POC5: variants seen among roughly 807,000 people sequenced by gnomAD.
The protein encoded by POC5 is centrosomal protein POC5.
A neutral mutation model predicts 62.9 loss-of-function variants in POC5; 48 were observed. The observed-to-expected ratio is 0.76, with a 90% CI of 0.61 to 0.97. POC5 has a LOEUF of 0.97. Among genes scored for constraint, POC5 ranks in the 50% least tolerant of loss-of-function variants. The pLI, the probability that POC5 is intolerant of heterozygous loss-of-function variation, is 0.00. For synonymous variants in POC5, 236 were observed against 228.2 expected, an observed-to-expected ratio of 1.03 and a Z score of -0.31; for missense variants, 696 against 679.5, an observed-to-expected ratio of 1.02 and a Z score of -0.27.
At position 75,694,661 on chromosome 5, in the gene POC5, T is replaced by C. The variant is rs1336668712; in HGVS notation, c.684A>G (p.Lys228=). ...GAAATATAAAAAAGAAGACCTCATC[T>C]TTTCTCCCAATGGAGATTTCAAAGG... The part of the protein sequence containing the change: ...QKTFEISIGR[K]DEVISSLSHA... Residue 228 remains lysine, a synonymous_variant, in exon 6 of 12, where the codon AAA becomes AAG. Transcript: ENST00000428202. 6.5e-7 allele frequency: 1 copy of C among 1,528,194 alleles called. No homozygotes were observed. The allele number at this position is 1,528,194 out of a possible 1,614,324, so 94.7% of individuals were successfully genotyped here. A position where few individuals can be genotyped will look rare whatever the true frequency, so the allele number is the denominator to read the frequency against.
chr5:75,706,944 T>A (rs569135655), intron 3 of POC5, among the ~76,000 whole-genome samples: 1 of 152,268 alleles, frequency 6.6e-6, no homozygotes, highest in East Asian at 1.9e-4. Flanking sequence ...CTACAGAGAA[T>A]GAGAGACAAC....
rs1435334913 is a variant in POC5 at position 75,685,424 on chromosome 5, T to G, written c.1190A>C (p.His397Pro). Residue 397 changes from histidine (H) to proline (P), a missense_variant, in exon 10 of 12, where the codon CAT becomes CCT. By Grantham distance (77) the His-to-Pro change is moderately conservative. Transcript: ENST00000428202. ...AGCTGAAGGATCCAAATGAGCAGAATGTTCTTTTCCTTGAACACCAGGACC... is the reference window on the plus strand; with the variant it reads ...AGCTGAAGGATCCAAATGAGCAGAAGGTTCTTTTCCTTGAACACCAGGACC... ...EYGPGVQGKEHSAHLDPSAPP... is the reference protein window; with the variant it reads ...EYGPGVQGKEPSAHLDPSAPP... 5.6e-6 allele frequency: 9 copies of G among 1,613,800 alleles called. No individual in the cohort carries two copies.
In POC5 at chr5:75,705,637, A is replaced by T. The variant is rs1777084022; in HGVS notation, c.307+67T>A. The stretch of plus-strand genomic sequence containing the variant: ...ATGCTGAAATTATTCCTCTTACTAC[A>T]TAGATAATATTCATCAAACCACAAA... On this transcript the variant is annotated intron_variant, in intron 4 of 11. Transcript: ENST00000428202. The T allele has an allele frequency of 3.2e-6, 3 of 935,346 alleles. No homozygotes were observed. In the South Asian group the frequency reaches 5.6e-5, roughly 17 times the overall value. 57.9% of individuals were successfully genotyped at this position (935,346 alleles called of 1,614,324 possible). A position where few individuals can be genotyped will look rare whatever the true frequency, so the allele number is the denominator to read the frequency against.
intron 7 of POC5, among the ~76,000 whole-genome samples, 164 bp downstream of exon 7, chr5:75,692,232 T>C (rs1776367650): frequency 1.3e-5 from 2 of 152,178 alleles, no homozygotes; most frequent in African/African-American, 4.8e-5. Flanking sequence ...ATCTAAACTG[T>C]ATTTTTTCCA....
rs537446197 is a variant in POC5, at chr5:75,712,864, G to A, written c.74C>T (p.Ser25Leu). ...GAAATTTTTTCCTACCTGAAGATTC[G>A]AAGAGACAGAACTGCCTCGACTGGA... ...NDSSRGSSVS[S>L]NLQEEYEELL... is the part of the protein sequence containing the mutation. The change falls in exon 2 of 12, where the codon TCG becomes TTG. Residue 25 changes from serine to leucine, a missense_variant. Transcript: ENST00000428202. The A allele has an allele frequency of 4.3e-4, 689 of 1,608,026 alleles. 9 individuals carry two copies. In the South Asian group the frequency reaches 7.2e-3, roughly 17 times the overall value.
At chr5:75,701,486 C>T (rs1326258011) in intron 5 of POC5, among the ~76,000 whole-genome samples, 7 of 140,528 alleles carry the variant, frequency 5.0e-5, no homozygotes, top group East Asian at 2.1e-4. Flanking sequence ...AACCCAACAC[C>T]GCATATTCTC....
chr5:75,679,153 AT>A (rs1203331438), intron 10 of POC5, among the ~76,000 whole-genome samples: 1 of 152,066 alleles, frequency 6.6e-6, no homozygotes, highest in South Asian at 2.1e-4. Flanking sequence ...ATGCACATCC[AT>A]TTTTTTAAGT....
At chr5:75,683,921 C>G (rs1221637110) in intron 10 of POC5, among the ~76,000 whole-genome samples, 1 of 152,182 alleles carries the variant, frequency 6.6e-6, no homozygotes, top group Non-Finnish European at 1.5e-5. Flanking sequence ...CCAGCCTGGT[C>G]TCAAACTTCT....
rs752262584 is a variant in POC5, at chr5:75,677,958, GA to G, written c.1408-9del. The G allele has an allele frequency of 2.0e-4, 298 of 1,457,598 alleles. No individual in the cohort carries two copies. The highest frequency in any genetic ancestry group is 6.4e-4 in the East Asian group (25 of 39,232). The allele number at this position is 1,457,598 out of a possible 1,614,324, so 90.3% of individuals were successfully genotyped here. A position where few individuals can be genotyped will look rare whatever the true frequency, so the allele number is the denominator to read the frequency against. On this transcript the variant is annotated splice_polypyrimidine_tract_variant and intron_variant, in intron 10 of 11. Coordinates refer to ENST00000428202, the MANE Select transcript of POC5 (RefSeq NM_001099271.2). Reference sequence around the variant, plus strand: ...TACAACTCTTGGCACATACTAAGAAGAAAAAAAAATAAAAGAAGTAACAAGG... The same window carrying G: ...TACAACTCTTGGCACATACTAAGAAGAAAAAAAATAAAAGAAGTAACAAGG...
At chr5:75,702,366 A>G (rs565873279) in intron 5 of POC5, among the ~76,000 whole-genome samples, 1 of 152,146 alleles carries the variant, frequency 6.6e-6, no homozygotes, top group Non-Finnish European at 1.5e-5. Context: ...AGAAAAAAAG[A>G]AGCACGATCT....
At chr5:75,680,119 A>G (rs561317264) in intron 10 of POC5, among the ~76,000 whole-genome samples, 5 of 152,170 alleles carry the variant, frequency 3.3e-5, no homozygotes, top group Non-Finnish European at 7.4e-5. Flanking sequence ...ACAATAAGGG[A>G]CAAAAAAGAT....
intron 5 of POC5, chr5:75,696,185 G>GA (rs1776575205): frequency 1.9e-5 from 3 of 156,726 alleles, no homozygotes; most frequent in Non-Finnish European, 4.2e-5. Flanking sequence ...AAGCAGCCCG[G>GA]AAGCTCGAAC....
At chr5:75,708,541 A>G (rs1268132612) in intron 2 of POC5, among the ~76,000 whole-genome samples, 2 of 152,176 alleles carry the variant, frequency 1.3e-5, no homozygotes. Context: ...AGCAAACTGG[A>G]TACTTAAGTT....
intron 6 of POC5, among the ~76,000 whole-genome samples, chr5:75,694,096 G>A (rs1018759044): frequency 3.3e-5 from 5 of 152,034 alleles, no homozygotes; most frequent in African/African-American, 4.8e-5. Flanking sequence ...CTTGAGCCCC[G>A]GAGTTTGAGA....
chr5:75,677,777 T>C lies in POC5; in HGVS notation c.1581A>G (p.Thr527=). The C allele has an allele frequency of 1.2e-6, 2 of 1,603,198 alleles. No homozygotes were observed. The highest frequency in any genetic ancestry group is 8.5e-7 in the Non-Finnish European group (1 of 1,174,700). ...SVVVEKHHPV[T]VQTIPQATAA... ...AGGTCATCAAATGTGGACTCACCAC[T>C]GTGACTGGATGATGTTTTTCCACAA... Residue 527 remains threonine, a synonymous_variant, in exon 11 of 12, where the codon ACA becomes ACG. Coordinates refer to ENST00000428202, the MANE Select transcript of POC5 (RefSeq NM_001099271.2).
rs780046018 is a variant in POC5 at position 75,705,755 on chromosome 5, C to G, written c.256G>C (p.Glu86Gln). 4 of 1,555,298 alleles carry G rather than the reference C, an allele frequency of 2.6e-6. No individual in the cohort carries two copies. The highest frequency in any genetic ancestry group is 3.5e-6 in the Non-Finnish European group (4 of 1,150,404). Residue 86 changes from glutamate to glutamine, a missense_variant, in exon 4 of 12, where the codon GAA becomes CAA. Physicochemically the swap from Glu to Gln is conservative, Grantham distance 29. Transcript: ENST00000428202. ...TGGAAATCACATCCTTTTCCAACTT[C>G]TATTGCAGTTTCTCTTACTTCAGAG... is the stretch of plus-strand genomic sequence containing the variant. Reference protein sequence around the residue: ...NNSEVRETAIEVGKGCDFHIS... With the variant: ...NNSEVRETAIQVGKGCDFHIS...
chr5:75,702,835 G>A (rs1353614259), intron 4 of POC5, 25 bp from the exon 5 acceptor site: 1 of 1,506,120 alleles, frequency 6.6e-7, no homozygotes, highest in Non-Finnish European at 9.0e-7. Flanking sequence ...AGTTGTAGCT[G>A]TCAAGCCAAA....
chr5:75,713,875 G>T (rs546373442), intron 1 of POC5, among the ~76,000 whole-genome samples: 68 of 152,258 alleles, frequency 4.5e-4, no homozygotes, highest in Non-Finnish European at 7.8e-4. Flanking sequence ...TGTATGCCAC[G>T]AACAGCAAGC....
At chr5:75,676,787 A>C (rs976261695) in intron 11 of POC5, among the ~76,000 whole-genome samples, 1 of 151,640 alleles carries the variant, frequency 6.6e-6, no homozygotes, top group Non-Finnish European at 1.5e-5. Context: ...GCGCCATTGC[A>C]CTCTATCTAG....
Sources: allele counts gnomAD v4.1 joint callset (sites outside exome capture counted in the v4.1 genomes callset), GRCh38; gene constraint gnomAD v4.1.1; transcripts MANE v1.5; gene names NCBI Gene and HGNC (gene_info 2026-07-23, HGNC 2026-07-21).